APBA1: variants seen among roughly 807,000 people sequenced by gnomAD.
APBA1 encodes amyloid beta precursor protein binding family A member 1, also known as amyloid-beta A4 precursor protein-binding family A member 1.
Under a neutral mutation model 86.6 loss-of-function variants are expected in APBA1, and 55 were observed. The observed-to-expected ratio is 0.64, with a 90% CI of 0.51 to 0.80. APBA1 has a LOEUF of 0.80. Among genes scored for constraint, APBA1 ranks in the 30% least tolerant of loss-of-function variants. The pLI is 0.00. For synonymous variants in APBA1, 511 were observed against 493.9 expected (o/e 1.03, Z -0.46); for missense variants, 1,090 against 1,183.0 (o/e 0.92, Z 1.15).
chr9:69,569,099 C>T (rs1837075266), intron 1 of APBA1, among the ~76,000 whole-genome samples: 1 of 152,158 alleles, frequency 6.6e-6, no homozygotes, highest in Non-Finnish European at 1.5e-5. Flanking sequence ...ATGGAACAGG[C>T]ATCCGCTAGG....
intron 9 of APBA1, among the ~76,000 whole-genome samples, chr9:69,451,848 G>C (rs1287952491): frequency 6.6e-6 from 1 of 152,136 alleles, no homozygotes; most frequent in African/African-American, 2.4e-5. Context: ...CAGAGTTCAG[G>C]TCCTATCTGC....
Position 69,515,998 on chromosome 9 carries a change from C to G in APBA1, c.1200+13G>C. The G allele has an allele frequency of 1.3e-6, 2 of 1,534,420 alleles. No homozygotes were observed. The highest frequency in any genetic ancestry group is 1.8e-6 in the Non-Finnish European group (2 of 1,132,700). Reference sequence around the variant, plus strand: ...GCGTGGGGCCGAGGAAGCCCAAACCCGCACCTACTTACATCTCCGTCCATC... The same window carrying G: ...GCGTGGGGCCGAGGAAGCCCAAACCGGCACCTACTTACATCTCCGTCCATC... On this transcript the variant is annotated intron_variant, in intron 2 of 12. Transcript: ENST00000265381.
intron 1 of APBA1, among the ~76,000 whole-genome samples, chr9:69,581,129 G>A (rs916965972): frequency 6.6e-6 from 1 of 152,068 alleles, no homozygotes; most frequent in Non-Finnish European, 1.5e-5. Flanking sequence ...TAATTTACTG[G>A]TACATCTGAC....
Position 69,517,238 on chromosome 9 carries a change from A to G in APBA1, c.-28T>C. On this transcript the variant is annotated 5_prime_UTR_variant, in exon 2 of 13. Coordinates refer to ENST00000265381, the MANE Select transcript of APBA1 (RefSeq NM_001163.4). ...TGGGAGTCGGAACGGCTAGGAGAGA[A>G]GCTGGGCCCGGCTCACTGCGCTCTC... 7.0e-7 allele frequency: 1 copy of G among 1,436,264 alleles called. No individual in the cohort carries two copies. Among genetic ancestry groups the G allele is most frequent in the Non-Finnish European group, 9.1e-7 (1 of 1,095,600 alleles). 89.0% of individuals were successfully genotyped at this position (1,436,264 alleles called of 1,614,324 possible). A position where few individuals can be genotyped will look rare whatever the true frequency, so the allele number is the denominator to read the frequency against.
intron 1 of APBA1, among the ~76,000 whole-genome samples, chr9:69,529,430 T>C (rs1836390589): frequency 1.3e-5 from 2 of 152,140 alleles, no homozygotes; most frequent in Non-Finnish European, 2.9e-5. Flanking sequence ...TCAGTCATGT[T>C]AGCAAAAAGT....
intron 1 of APBA1, among the ~76,000 whole-genome samples, chr9:69,651,241 C>T (rs900112412): frequency 2.6e-5 from 4 of 152,114 alleles, no homozygotes; most frequent in Non-Finnish European, 4.4e-5. Flanking sequence ...AAGCAGCAAT[C>T]GTGGTTACCT....
At chr9:69,618,357 G>A (rs892471283) in intron 1 of APBA1, among the ~76,000 whole-genome samples, 2 of 152,148 alleles carry the variant, frequency 1.3e-5, no homozygotes, top group Non-Finnish European at 2.9e-5. Context: ...TCAACATTTA[G>A]TGTGTTTGCG....
intron 1 of APBA1, among the ~76,000 whole-genome samples, chr9:69,577,665 T>C (rs1405857742): frequency 6.6e-6 from 1 of 152,172 alleles, no homozygotes; most frequent in Non-Finnish European, 1.5e-5. Context: ...ATCATCACTA[T>C]AAAAATCTGG....
chr9:69,636,485 G>A (rs1053570665), intron 1 of APBA1, among the ~76,000 whole-genome samples: 2 of 152,060 alleles, frequency 1.3e-5, no homozygotes, highest in Non-Finnish European at 2.9e-5. Flanking sequence ...GTCAAGATCT[G>A]GAAGCAACTT....
At chr9:69,500,470 A>G (rs1835864386) in intron 2 of APBA1, among the ~76,000 whole-genome samples, 1 of 152,140 alleles carries the variant, frequency 6.6e-6, no homozygotes, top group African/African-American at 2.4e-5. Flanking sequence ...TGACAAACTC[A>G]AGGTAACTGC....
intron 2 of APBA1, among the ~76,000 whole-genome samples, chr9:69,489,357 T>C (rs1835664618): frequency 6.6e-6 from 1 of 152,008 alleles, no homozygotes; most frequent in Non-Finnish European, 1.5e-5. Flanking sequence ...TTGACAAACC[T>C]GACAAAAACA....
At chr9:69,650,177 G>A (rs565719387) in intron 1 of APBA1, among the ~76,000 whole-genome samples, 28 of 152,258 alleles carry the variant, frequency 1.8e-4, no homozygotes, top group African/African-American at 6.5e-4. Flanking sequence ...GCTATCTTGG[G>A]CAAGTCACTT....
chr9:69,434,488 C>T (rs1834663117), intron 11 of APBA1, among the ~76,000 whole-genome samples: 1 of 151,918 alleles, frequency 6.6e-6, no homozygotes, highest in Admixed American at 6.6e-5. Flanking sequence ...GCAGGTGGAT[C>T]ACAAGGTCAG....
intron 2 of APBA1, among the ~76,000 whole-genome samples, chr9:69,514,397 C>T (rs1232472201): frequency 6.6e-6 from 1 of 152,026 alleles, no homozygotes; most frequent in African/African-American, 2.4e-5. Context: ...TCAAGCCCAG[C>T]CTAGCCAACA....
At chr9:69,482,988 A>C (rs1358672880) in intron 2 of APBA1, among the ~76,000 whole-genome samples, 2 of 84,642 alleles carry the variant, frequency 2.4e-5, no homozygotes, top group African/African-American at 8.4e-5. Flanking sequence ...GGGAGGGGGG[A>C]GGGATAGCAT....
intron 1 of APBA1, among the ~76,000 whole-genome samples, chr9:69,646,554 C>T (rs1328279672): frequency 5.9e-5 from 9 of 151,338 alleles, no homozygotes; most frequent in Admixed American, 4.6e-4. Context: ...TGGAGAGCTT[C>T]GGAGGAAGTC....
At chr9:69,615,554 A>G (rs1822682310) in intron 1 of APBA1, among the ~76,000 whole-genome samples, 2 of 152,238 alleles carry the variant, frequency 1.3e-5, no homozygotes, top group Admixed American at 6.5e-5. Flanking sequence ...CCATAGGTAA[A>G]ATCTGAAGTA....
In APBA1 at chr9:69,517,048, G is replaced by T. The variant is rs374824691; in HGVS notation, c.163C>A (p.Arg55=). 1.9e-6 allele frequency: 3 copies of T among 1,580,752 alleles called. No homozygotes were observed. Among genetic ancestry groups the T allele is most frequent in the Non-Finnish European group, 2.6e-6 (3 of 1,170,182 alleles). Residue 55 remains arginine, a synonymous_variant, in exon 2 of 13, where the codon CGA becomes AGA. Coordinates refer to ENST00000265381, the MANE Select transcript of APBA1 (RefSeq NM_001163.4). Reference sequence around the variant, plus strand: ...TGGGCGCGGAGGTCCTCGAGGGCTCGCCCGCGCTGGTGGCGGCCCACATAG... The same window carrying T: ...TGGGCGCGGAGGTCCTCGAGGGCTCTCCCGCGCTGGTGGCGGCCCACATAG... ...QHYVGRHQRG[R]ALEDLRAQLG... is the part of the protein sequence containing the mutation.
chr9:69,575,179 A>T lies in APBA1; in HGVS notation c.-69-57900T>A, dbSNP rs148428669. On this transcript the variant is annotated intron_variant, in intron 1 of 12. Coordinates refer to ENST00000265381, the MANE Select transcript of APBA1 (RefSeq NM_001163.4). ...GCAATCCACTGGCCTCAGCCTCCCA[A>T]AGTACTGGGATTACAGGTGTGAGCC... Among the ~76,000 whole-genome samples the T allele has an allele frequency of 4.2e-3, 645 of 152,228 alleles. 8 individuals carry two copies. Among genetic ancestry groups the T allele is most frequent in the East Asian group, 0.032 (164 of 5,180 alleles).
Sources: gnomAD v4.1 joint callset for allele counts (sites outside exome capture counted in the v4.1 genomes callset) on GRCh38, gnomAD v4.1.1 for gene constraint, MANE v1.5 for transcripts, NCBI Gene and HGNC (gene_info 2026-07-23, HGNC 2026-07-21) for gene names.